Variants in RYR2 observed in about 807,000 individuals in gnomAD.
RYR2 encodes the protein ryanodine receptor 2, also known as cardiac muscle ryanodine receptor-calcium release channel.
RYR2 carries 227 observed loss-of-function variants against 601.1 expected under a neutral mutation model. The observed-to-expected ratio is 0.38, with a 90% CI of 0.34 to 0.42. The LOEUF (loss-of-function observed/expected upper bound fraction) is 0.42. Ranked by LOEUF, RYR2 falls within the 10% of genes least tolerant of loss-of-function variation. The pLI, the probability that RYR2 is intolerant of heterozygous loss-of-function variation, is 1.00. For synonymous variants in RYR2, 2,223 were observed against 2,175.1 expected (o/e 1.02, Z -0.61); for missense variants, 4,646 against 6,156.5 (o/e 0.75, Z 8.21).
intron 1 of RYR2, among the ~76,000 whole-genome samples, chr1:237,245,944 A>G (rs1235824705): frequency 1.3e-5 from 2 of 150,712 alleles, no homozygotes. Flanking sequence ...ACTACACCCA[A>G]CTAATTTTTG....
intron 34 of RYR2, among the ~76,000 whole-genome samples, chr1:237,601,822 A>G (rs1676535009): frequency 6.6e-6 from 1 of 152,190 alleles, no homozygotes; most frequent in South Asian, 2.1e-4. Context: ...TAAGCCCTTC[A>G]GAGTAAACAG....
chr1:237,777,533 T>C (rs374002290), intron 87 of RYR2, among the ~76,000 whole-genome samples: 1 of 152,318 alleles, frequency 6.6e-6, no homozygotes, highest in East Asian at 1.9e-4. Flanking sequence ...TATGTACTTT[T>C]TTCCTTTCTA....
At chr1:237,560,181 G>A (rs1671307131) in intron 27 of RYR2, among the ~76,000 whole-genome samples, 1 of 152,220 alleles carries the variant, frequency 6.6e-6, no homozygotes, top group Non-Finnish European at 1.5e-5. Context: ...AGAGTCCCAG[G>A]AATATGTTGG....
At chr1:237,770,406 T>C (rs1573880778) in intron 84 of RYR2, among the ~76,000 whole-genome samples, 1 of 152,278 alleles carries the variant, frequency 6.6e-6, no homozygotes, top group Middle Eastern at 3.4e-3. Context: ...ATTGAATCAT[T>C]TGGTCATAAT....
In RYR2 at chr1:237,709,781, A is replaced by G. The variant is rs982548312; in HGVS notation, c.10230+214A>G. 2.6e-5 allele frequency among the ~76,000 whole-genome samples: 4 copies of G among 152,188 alleles called. No individual in the cohort carries two copies. In the East Asian group the frequency reaches 7.7e-4, roughly 29 times the overall value. On this transcript the variant is annotated intron_variant, in intron 70 of 104. Coordinates refer to ENST00000366574, the MANE Select transcript of RYR2 (RefSeq NM_001035.3). The stretch of plus-strand genomic sequence containing the variant: ...ATAAACATATTTTAAATTTGCCCCT[A>G]AATTTTGGACTAATATTGACATTGC...
At chr1:237,670,280 G>A (rs1488869510) in intron 58 of RYR2, among the ~76,000 whole-genome samples, 1 of 148,932 alleles carries the variant, frequency 6.7e-6, no homozygotes, top group East Asian at 2.0e-4. Flanking sequence ...GAGACCGTGG[G>A]GAGAGGGAGA....
chr1:237,537,211 C>G (rs1668734168), intron 25 of RYR2, among the ~76,000 whole-genome samples: 1 of 152,140 alleles, frequency 6.6e-6, no homozygotes, highest in Non-Finnish European at 1.5e-5. Flanking sequence ...TGTACTCATG[C>G]AAAACAAACC....
At chr1:237,119,990 G>C (rs146805380) in intron 1 of RYR2, among the ~76,000 whole-genome samples, 233 of 152,296 alleles carry the variant, frequency 1.5e-3, no homozygotes, top group African/African-American at 5.3e-3. Context: ...TTTGGGTCAT[G>C]TAGACAGGAG....
At chr1:237,158,993 A>C (rs750839954) in intron 1 of RYR2, among the ~76,000 whole-genome samples, 1 of 152,224 alleles carries the variant, frequency 6.6e-6, no homozygotes, top group Non-Finnish European at 1.5e-5. Context: ...TGGTGTTAGA[A>C]AGTTATGAGT....
chr1:237,602,963 A>G (rs1676674766), intron 35 of RYR2, among the ~76,000 whole-genome samples: 1 of 152,350 alleles, frequency 6.6e-6, no homozygotes, highest in South Asian at 2.1e-4. Flanking sequence ...TGGAAGTCAG[A>G]ATGAAAAATG....
chr1:237,682,506 A>G (rs112462967), intron 62 of RYR2, among the ~76,000 whole-genome samples: 3,416 of 152,334 alleles, frequency 0.022, 57 homozygotes, highest in South Asian at 0.045. Context: ...GTTTAGATAT[A>G]CAAATACCAT....
chr1:237,436,454 C>CTTGTTTTTTTTTTTTTTTTTTT (rs1707368941), intron 12 of RYR2, among the ~76,000 whole-genome samples: 1 of 48,730 alleles, frequency 2.1e-5, no homozygotes, highest in Non-Finnish European at 3.5e-5. Flanking sequence ...TGTGATTTTC[C>CTTGTTTTTTTTTTTTTTTTTTT]TTTTTTTTTT....
intron 71 of RYR2, among the ~76,000 whole-genome samples, chr1:237,716,519 G>A (rs75889405): frequency 0.064 from 9,697 of 152,072 alleles, 358 homozygotes; most frequent in Non-Finnish European, 0.089. Context: ...AGATTCTGTC[G>A]TTTAAGGTGA....
Position 237,602,681 on chromosome 1 carries a change from G to A in RYR2, c.4683+570G>A, listed in dbSNP as rs1003730762. Among the ~76,000 whole-genome samples the A allele has an allele frequency of 2.6e-5, 4 of 152,172 alleles. No homozygotes were observed. In the East Asian group the frequency reaches 7.7e-4, roughly 29 times the overall value. ...ATTCAGTGTAACCGTAACAAAGGAT[G>A]CCTTCCAGAATGTGGCTGGAGATTA... On this transcript the variant is annotated intron_variant, in intron 35 of 104. Coordinates refer to ENST00000366574, the MANE Select transcript of RYR2 (RefSeq NM_001035.3).
At chr1:237,496,079 G>A (rs1664038763) in intron 19 of RYR2, among the ~76,000 whole-genome samples, 1 of 152,094 alleles carries the variant, frequency 6.6e-6, no homozygotes, top group Non-Finnish European at 1.5e-5. Context: ...TTTAATATGT[G>A]GCATCTTAGA....
intron 2 of RYR2, among the ~76,000 whole-genome samples, chr1:237,292,653 T>A (rs1692356424): frequency 6.6e-6 from 1 of 152,166 alleles, no homozygotes; most frequent in East Asian, 1.9e-4. Flanking sequence ...ATCTGGGAAG[T>A]TTTTGATGCT....
chr1:237,127,628 C>T (rs868745114), intron 1 of RYR2, among the ~76,000 whole-genome samples: 23 of 149,876 alleles, frequency 1.5e-4, no homozygotes, highest in Middle Eastern at 3.7e-3. Context: ...ACTTCCCAGA[C>T]GGGGCGGCTG....
intron 1 of RYR2, among the ~76,000 whole-genome samples, chr1:237,109,540 C>A (rs965435124): frequency 6.6e-6 from 1 of 152,106 alleles, no homozygotes; most frequent in Admixed American, 6.5e-5. Context: ...CTGAATCTCC[C>A]GAAGGGCCTC....
At chr1:237,762,537 A>C (rs1432805583) in intron 84 of RYR2, among the ~76,000 whole-genome samples, 1 of 152,224 alleles carries the variant, frequency 6.6e-6, no homozygotes, top group African/African-American at 2.4e-5. Context: ...AGTCATTCTT[A>C]GTCGCTGTTC....
Sources: gnomAD v4.1 joint callset for allele counts (sites outside exome capture counted in the v4.1 genomes callset) on GRCh38, gnomAD v4.1.1 for gene constraint, MANE v1.5 for transcripts, NCBI Gene and HGNC (gene_info 2026-07-23, HGNC 2026-07-21) for gene names.